The following FAM227B variants were observed in gnomAD, a reference collection of about 807,000 sequenced individuals.
FAM227B encodes the protein family with sequence similarity 227 member B, also known as protein FAM227B.
FAM227B carries 88 observed loss-of-function variants against 73.8 expected under a neutral mutation model. That is an observed-to-expected ratio of 1.19 (90% CI 1.00 to 1.42). The LOEUF (loss-of-function observed/expected upper bound fraction) is 1.42, where lower values mean the gene tolerates loss of function less well. FAM227B is among the 40% of genes most tolerant of loss of function. The probability of loss-of-function intolerance (pLI) is 0.00; values close to 1 mark genes in which losing one functional copy is unlikely to be tolerated. For synonymous variants in FAM227B, 210 were observed against 190.5 expected (o/e 1.10, Z -0.84); for missense variants, 632 against 590.9 (o/e 1.07, Z -0.72).
chr15:49,401,553 T>C (rs1473384042), intron 11 of FAM227B, among the ~76,000 whole-genome samples: 1 of 148,964 alleles, frequency 6.7e-6, no homozygotes, highest in Non-Finnish European at 1.5e-5. Flanking sequence ...CATGCACATG[T>C]ATGTTTATTG....
At chr15:49,549,645 GGTAAGGTCACA>G (rs1166383224) in intron 9 of FAM227B, among the ~76,000 whole-genome samples, 5 of 151,506 alleles carry the variant, frequency 3.3e-5, no homozygotes, top group African/African-American at 1.2e-4. Context: ...CAGGGTTGGG[GGTAAGGTCACA>G]GATCAACAGG....
At chr15:49,536,072 CAAAAAAAAAA>C (rs59203003) in intron 10 of FAM227B, among the ~76,000 whole-genome samples, 57 of 114,012 alleles carry the variant, frequency 5.0e-4, no homozygotes, top group African/African-American at 1.5e-3. Flanking sequence ...GGCAATCAGA[CAAAAAAAAAA>C]AAAAAAAAGA....
At chr15:49,464,562 T>C (rs1329722349) in intron 11 of FAM227B, among the ~76,000 whole-genome samples, 1 of 152,208 alleles carries the variant, frequency 6.6e-6, no homozygotes, top group Non-Finnish European at 1.5e-5. Flanking sequence ...GGCAGATGAC[T>C]TTTAATGTAT....
intron 5 of FAM227B, among the ~76,000 whole-genome samples, chr15:49,585,680 C>T (rs548355598): frequency 1.5e-4 from 22 of 150,242 alleles, no homozygotes; most frequent in Admixed American, 3.3e-4. Flanking sequence ...CATCACACAC[C>T]GGGGACTGTT....
At chr15:49,535,237 G>A (rs1050929715) in intron 10 of FAM227B, among the ~76,000 whole-genome samples, 6 of 151,448 alleles carry the variant, frequency 4.0e-5, no homozygotes, top group African/African-American at 1.2e-4. Context: ...AAGGAAAGTG[G>A]AGACGTTACA....
At chr15:49,616,151 G>C (rs950769418) in intron 1 of FAM227B, among the ~76,000 whole-genome samples, 6 of 152,118 alleles carry the variant, frequency 3.9e-5, no homozygotes, top group African/African-American at 1.4e-4. Flanking sequence ...AAATTCATAT[G>C]TTCAAGCCCT....
chr15:49,394,165 C>T (rs761354243), intron 11 of FAM227B, among the ~76,000 whole-genome samples: 2 of 152,140 alleles, frequency 1.3e-5, no homozygotes, highest in South Asian at 2.1e-4. Flanking sequence ...GACTTTGAAG[C>T]TTTCCCCCCA....
chr15:49,535,006 C>G (rs548849661), intron 10 of FAM227B, among the ~76,000 whole-genome samples: 1 of 151,050 alleles, frequency 6.6e-6, no homozygotes, highest in African/African-American at 2.4e-5. Context: ...AATAAATAAC[C>G]TAACATTATG....
chr15:49,360,352 A>G (rs2043991245), intron 13 of FAM227B, among the ~76,000 whole-genome samples: 1 of 152,198 alleles, frequency 6.6e-6, no homozygotes. Flanking sequence ...AACTGCAACA[A>G]AATGTGAATG....
At chr15:49,544,454 C>T (rs1210493605) in intron 9 of FAM227B, among the ~76,000 whole-genome samples, 1 of 152,108 alleles carries the variant, frequency 6.6e-6, no homozygotes, top group Non-Finnish European at 1.5e-5. Context: ...CATCAGAAAA[C>T]AGTGACAGTA....
At chr15:49,350,531 T>C (rs752229359) in intron 13 of FAM227B, among the ~76,000 whole-genome samples, 1 of 152,142 alleles carries the variant, frequency 6.6e-6, no homozygotes, top group East Asian at 1.9e-4. Flanking sequence ...GTTATAAGAA[T>C]AGTGGGGGAA....
At chr15:49,418,473 T>C (rs2049368513) in intron 11 of FAM227B, among the ~76,000 whole-genome samples, 1 of 152,180 alleles carries the variant, frequency 6.6e-6, no homozygotes, top group Non-Finnish European at 1.5e-5. Flanking sequence ...TGGAATACTT[T>C]GCAGCCATCA....
chr15:49,391,107 T>G (rs965435031), intron 11 of FAM227B, among the ~76,000 whole-genome samples: 1 of 152,106 alleles, frequency 6.6e-6, no homozygotes, highest in Admixed American at 6.6e-5. Context: ...TCAAATTATG[T>G]CCTTTATTTT....
intron 11 of FAM227B, among the ~76,000 whole-genome samples, chr15:49,461,934 C>T (rs909832925): frequency 3.3e-5 from 5 of 152,176 alleles, no homozygotes; most frequent in African/African-American, 1.2e-4. Context: ...CTTTGGGAGG[C>T]CGAAGCAGGC....
chr15:49,354,125 T>C (rs1411713404), intron 13 of FAM227B: 1 of 152,186 alleles, frequency 6.6e-6, no homozygotes, highest in African/African-American at 2.4e-5. Context: ...TTATATAGCT[T>C]TTATTTTTAT....
intron 3 of FAM227B, among the ~76,000 whole-genome samples, chr15:49,595,710 T>A: frequency 6.8e-6 from 1 of 147,566 alleles, no homozygotes; most frequent in Non-Finnish European, 1.5e-5. Context: ...CATGAGGGAA[T>A]TAAAATTAAA....
intron 11 of FAM227B, among the ~76,000 whole-genome samples, chr15:49,407,119 T>C (rs1224023119): frequency 1.3e-5 from 2 of 152,166 alleles, no homozygotes; most frequent in African/African-American, 4.8e-5. Flanking sequence ...GGAGGATGGC[T>C]GTCCCTGGCC....
intron 11 of FAM227B, among the ~76,000 whole-genome samples, chr15:49,501,719 A>G (rs2058152390): frequency 2.0e-5 from 3 of 152,222 alleles, no homozygotes; most frequent in Admixed American, 2.0e-4. Flanking sequence ...AAATTTGCAT[A>G]ACAAAAGGGA....
At chr15:49,498,308 GT>G (rs2057805061) in intron 11 of FAM227B, among the ~76,000 whole-genome samples, 1 of 152,090 alleles carries the variant, frequency 6.6e-6, no homozygotes, top group Admixed American at 6.5e-5. Flanking sequence ...TTATATTGTG[GT>G]TTTGTCACTT....
Sources: gnomAD v4.1 joint callset for allele counts (sites outside exome capture counted in the v4.1 genomes callset) on GRCh38, gnomAD v4.1.1 for gene constraint, MANE v1.5 for transcripts, NCBI Gene and HGNC (gene_info 2026-07-23, HGNC 2026-07-21) for gene names.